The following CSGALNACT1 variants were observed in gnomAD, a reference collection of about 807,000 sequenced individuals.
CSGALNACT1 encodes the protein chondroitin sulfate N-acetylgalactosaminyltransferase 1, also known as beta4GalNAcT-1.
In CSGALNACT1, 52 loss-of-function variants were observed where a neutral mutation model predicts 51.0. The ratio of observed to expected loss-of-function variants is 1.02; its 90% confidence interval spans 0.82 to 1.29. The LOEUF is 1.29. Ranked by LOEUF, CSGALNACT1 falls within the 50% of genes most tolerant of loss-of-function variation. CSGALNACT1 has a pLI of 0.00. For missense variants in CSGALNACT1, 935 were observed against 679.2 expected (o/e 1.38, Z -4.19); for synonymous variants, 341 against 254.4 (o/e 1.34, Z -3.24).
intron 3 of CSGALNACT1, among the ~76,000 whole-genome samples, chr8:19,570,986 T>C (rs755509755): frequency 6.6e-6 from 1 of 152,096 alleles, no homozygotes; most frequent in Admixed American, 6.6e-5. Context: ...TTTATGTATT[T>C]ATTTATTTTT....
chr8:19,705,252 C>A (rs1160414734), intron 1 of CSGALNACT1, among the ~76,000 whole-genome samples: 1 of 152,012 alleles, frequency 6.6e-6, no homozygotes, highest in Non-Finnish European at 1.5e-5. Context: ...GTAATTCTAC[C>A]TTAAGGATAG....
At chr8:19,561,929 C>T (rs1430826942) in intron 3 of CSGALNACT1, among the ~76,000 whole-genome samples, 1 of 148,160 alleles carries the variant, frequency 6.7e-6, no homozygotes, top group East Asian at 1.9e-4. Flanking sequence ...CAGCATGCGG[C>T]CTGATCATGC....
intron 1 of CSGALNACT1, among the ~76,000 whole-genome samples, chr8:19,725,425 C>CTTTT (rs749829348): frequency 5.1e-5 from 7 of 136,146 alleles, no homozygotes; most frequent in African/African-American, 1.6e-4. Context: ...TTTCTTTTTT[C>CTTTT]TTTTTTTTTT....
chr8:19,410,307 G>C (rs762836790), intron 8 of CSGALNACT1, among the ~76,000 whole-genome samples: 1 of 152,182 alleles, frequency 6.6e-6, no homozygotes, highest in African/African-American at 2.4e-5. Context: ...CAACTGGAAA[G>C]ATTTTGTAAG....
At chr8:19,616,913 TG>T (rs1314445789) in intron 1 of CSGALNACT1, among the ~76,000 whole-genome samples, 1 of 152,128 alleles carries the variant, frequency 6.6e-6, no homozygotes, top group Non-Finnish European at 1.5e-5. Context: ...GGGGCAGGGT[TG>T]GGGGAGATGA....
At chr8:19,473,627 T>C (rs1048761712) in intron 4 of CSGALNACT1, among the ~76,000 whole-genome samples, 4 of 152,214 alleles carry the variant, frequency 2.6e-5, no homozygotes, top group African/African-American at 9.6e-5. Flanking sequence ...GACCACAGTA[T>C]CTGTTCAAAG....
chr8:19,434,479 G>A (rs979239390), intron 6 of CSGALNACT1, among the ~76,000 whole-genome samples: 2 of 152,092 alleles, frequency 1.3e-5, no homozygotes, highest in Non-Finnish European at 2.9e-5. Context: ...TTGAAGACAT[G>A]CATCTCCCAA....
intron 5 of CSGALNACT1, among the ~76,000 whole-genome samples, chr8:19,455,373 T>C (rs2063893699): frequency 1.3e-5 from 2 of 152,212 alleles, no homozygotes; most frequent in African/African-American, 4.8e-5. Context: ...GTTCACAGTC[T>C]CCAGTCTGGG....
At chr8:19,404,539 C>A (rs2053775060) in exon 10 of CSGALNACT1, 1 of 453,504 alleles carries the variant, frequency 2.2e-6, no homozygotes, top group Admixed American at 2.4e-5. Flanking sequence ...TCCACCTGGC[C>A]TGGGGTGGAT....
At chr8:19,421,378 C>G (rs942736848) in intron 6 of CSGALNACT1, among the ~76,000 whole-genome samples, 19 of 152,240 alleles carry the variant, frequency 1.2e-4, no homozygotes, top group African/African-American at 4.3e-4. Flanking sequence ...GAAATGGGGC[C>G]TGTCTTAAGC....
intron 3 of CSGALNACT1, among the ~76,000 whole-genome samples, chr8:19,540,195 A>G (rs2084767851): frequency 6.6e-6 from 1 of 152,252 alleles, no homozygotes; most frequent in Non-Finnish European, 1.5e-5. Context: ...TGCTTCCAAA[A>G]TAGTCTAATG....
At chr8:19,522,886 C>G (rs2081002617) in intron 3 of CSGALNACT1, among the ~76,000 whole-genome samples, 2 of 152,186 alleles carry the variant, frequency 1.3e-5, no homozygotes, top group Admixed American at 6.5e-5. Context: ...CAAAGTAAGG[C>G]TGCAAGATGT....
rs762305796 is a variant in CSGALNACT1 at position 19,439,972 on chromosome 8, C to T, written c.852-41G>A. The T allele has an allele frequency of 2.9e-5, 43 of 1,482,246 alleles. No individual in the cohort carries two copies. The South Asian group carries it at 4.6e-4, about 16-fold the overall frequency. The allele number at this position is 1,482,246 out of a possible 1,614,324, so 91.8% of individuals were successfully genotyped here. A position where few individuals can be genotyped will look rare whatever the true frequency, so the allele number is the denominator to read the frequency against. On this transcript the variant is annotated intron_variant, in intron 5 of 9. Transcript: ENST00000454498. ...CATGCATGTCTGGCACCTGTTTTCA[C>T]ACTGACAGGCACAGCACAAACCAAT...
intron 8 of CSGALNACT1, among the ~76,000 whole-genome samples, chr8:19,416,125 T>TC (rs1325245639): frequency 6.7e-6 from 1 of 149,628 alleles, no homozygotes; most frequent in Non-Finnish European, 1.5e-5. Context: ...TTTTTTTTTT[T>TC]TTTTTCTGAG....
intron 2 of CSGALNACT1, among the ~76,000 whole-genome samples, chr8:19,595,569 G>C (rs188191397): frequency 6.6e-6 from 1 of 151,936 alleles, no homozygotes; most frequent in East Asian, 1.9e-4. Flanking sequence ...TGGAAGAGAT[G>C]AATTTTCTTT....
chr8:19,471,141 A>AG (rs201692902), intron 4 of CSGALNACT1, among the ~76,000 whole-genome samples: 1,546 of 151,328 alleles, frequency 0.01, 20 homozygotes, highest in African/African-American at 0.035. Flanking sequence ...AGAGAGAGAG[A>AG]AAAAAAAAGG....
At chr8:19,471,742 G>C (rs1013201448) in intron 4 of CSGALNACT1, among the ~76,000 whole-genome samples, 23 of 152,198 alleles carry the variant, frequency 1.5e-4, no homozygotes, top group African/African-American at 4.8e-4. Context: ...CTTAGATGCA[G>C]TGAGAGTAAA....
At chr8:19,669,599 C>T (rs1284849793) in intron 1 of CSGALNACT1, among the ~76,000 whole-genome samples, 1 of 152,072 alleles carries the variant, frequency 6.6e-6, no homozygotes, top group Admixed American at 6.6e-5. Flanking sequence ...TTAATAGGTG[C>T]CTGCCACCAT....
intron 3 of CSGALNACT1, among the ~76,000 whole-genome samples, chr8:19,536,717 G>C (rs1291722083): frequency 6.6e-6 from 1 of 152,096 alleles, no homozygotes; most frequent in Non-Finnish European, 1.5e-5. Flanking sequence ...ATTTCAAAAA[G>C]AAAAATGAAG....
Sources: gnomAD v4.1 joint callset for allele counts (sites outside exome capture counted in the v4.1 genomes callset) on GRCh38, gnomAD v4.1.1 for gene constraint, MANE v1.5 for transcripts, NCBI Gene and HGNC (gene_info 2026-07-23, HGNC 2026-07-21) for gene names.